LUZP2: variants seen among roughly 807,000 people sequenced by gnomAD.
LUZP2 encodes the protein leucine zipper protein 2.
Under a neutral mutation model 51.6 loss-of-function variants are expected in LUZP2, and 52 were observed. The ratio of observed to expected loss-of-function variants is 1.01; its 90% CI spans 0.81 to 1.27. The LOEUF is 1.27. Among genes scored for constraint, LUZP2 ranks in the 50% most tolerant of loss-of-function variants. The pLI, the probability that LUZP2 is intolerant of heterozygous loss-of-function variation, is 0.00. For synonymous variants in LUZP2, 154 were observed against 137.3 expected (o/e 1.12, Z -0.85); for missense variants, 436 against 395.4 (o/e 1.10, Z -0.87).
chr11:24,602,156 A>ATATATGTATATATGTATATT lies in LUZP2; in HGVS notation c.62+104852_62+104853insATATGTATATATGTATATTT, dbSNP rs1270758818. Among the ~76,000 whole-genome samples, 123 of 122,226 alleles carry ATATATGTATATATGTATATT rather than the reference A, an allele frequency of 1.0e-3. 8 individuals are homozygous for ATATATGTATATATGTATATT. The highest frequency in any genetic ancestry group is 2.7e-3 in the East Asian group (13 of 4,808). 80.2% of individuals were successfully genotyped at this position (122,226 alleles called of 152,430 possible). On this transcript the variant is annotated intron_variant, in intron 1 of 11. Transcript: ENST00000336930. ...TGTGTATATATGTATATATGTATAT[A>ATATATGTATATATGTATATT]TGTATATATGTGTATATATATGTGT...
At chr11:24,840,394 T>C (rs1241606529) in intron 5 of LUZP2, among the ~76,000 whole-genome samples, 1 of 151,850 alleles carries the variant, frequency 6.6e-6, no homozygotes, top group East Asian at 1.9e-4. Flanking sequence ...TCTCTTATTT[T>C]GATCTTTGTT....
At chr11:24,580,625 C>T (rs1852816742) in intron 1 of LUZP2, among the ~76,000 whole-genome samples, 1 of 152,004 alleles carries the variant, frequency 6.6e-6, no homozygotes, top group South Asian at 2.1e-4. Context: ...AAAATGAGCT[C>T]AGTAATAATT....
chr11:24,661,292 G>T (rs1209377817), intron 1 of LUZP2, among the ~76,000 whole-genome samples: 1 of 152,034 alleles, frequency 6.6e-6, no homozygotes, highest in Non-Finnish European at 1.5e-5. Flanking sequence ...AATGCATCTT[G>T]AGCTATTCTG....
chr11:25,014,049 T>A (rs1857063720), intron 9 of LUZP2, among the ~76,000 whole-genome samples: 1 of 152,156 alleles, frequency 6.6e-6, no homozygotes, highest in South Asian at 2.1e-4. Flanking sequence ...GATTTCCAGC[T>A]TCATCCATGT....
chr11:24,952,326 C>G (rs974078464), intron 7 of LUZP2, among the ~76,000 whole-genome samples: 1 of 151,584 alleles, frequency 6.6e-6, no homozygotes, highest in Non-Finnish European at 1.5e-5. Flanking sequence ...CGTGTTTTTG[C>G]AGGCACCTAT....
chr11:24,526,388 C>T (rs1453538510), intron 1 of LUZP2, among the ~76,000 whole-genome samples: 1 of 150,444 alleles, frequency 6.6e-6, no homozygotes. Context: ...ATGATTTTGG[C>T]ACAGTTAATG....
intron 1 of LUZP2, among the ~76,000 whole-genome samples, chr11:24,727,885 G>C (rs1238363264): frequency 6.6e-6 from 1 of 151,936 alleles, no homozygotes; most frequent in Non-Finnish European, 1.5e-5. Flanking sequence ...GTCTATTCTA[G>C]ATGAGATGAA....
At chr11:24,966,283 A>G (rs1855580634) in intron 7 of LUZP2, among the ~76,000 whole-genome samples, 2 of 151,392 alleles carry the variant, frequency 1.3e-5, no homozygotes, top group Non-Finnish European at 3.0e-5. Flanking sequence ...CTTATTGTTG[A>G]GCTGTAAGTT....
At chr11:24,622,049 T>G (rs1311862260) in intron 1 of LUZP2, among the ~76,000 whole-genome samples, 1 of 151,902 alleles carries the variant, frequency 6.6e-6, no homozygotes, top group Non-Finnish European at 1.5e-5. Context: ...CAAGCTATCC[T>G]TCCACCTCAG....
At chr11:24,688,389 A>C (rs958864927) in intron 1 of LUZP2, among the ~76,000 whole-genome samples, 4 of 152,186 alleles carry the variant, frequency 2.6e-5, no homozygotes, top group Admixed American at 6.6e-5. Flanking sequence ...TTTTGGAAGC[A>C]CTGGGGAACT....
chr11:24,565,307 T>C (rs1852180703), intron 1 of LUZP2, among the ~76,000 whole-genome samples: 1 of 152,168 alleles, frequency 6.6e-6, no homozygotes, highest in South Asian at 2.1e-4. Context: ...ATTTTTGAAT[T>C]GTCCTTTATA....
chr11:24,995,385 C>T (rs1385707878), intron 9 of LUZP2, among the ~76,000 whole-genome samples: 1 of 152,034 alleles, frequency 6.6e-6, no homozygotes, highest in East Asian at 1.9e-4. Context: ...AGAGCAAGGC[C>T]TTGTCCTCAG....
chr11:24,579,494 G>C (rs1478589919), intron 1 of LUZP2, among the ~76,000 whole-genome samples: 1 of 151,992 alleles, frequency 6.6e-6, no homozygotes, highest in Non-Finnish European at 1.5e-5. Context: ...AATTGCAAAG[G>C]ACAAAATTGT....
intron 5 of LUZP2, among the ~76,000 whole-genome samples, chr11:24,853,718 T>A (rs1181835896): frequency 1.3e-5 from 2 of 152,142 alleles, no homozygotes; most frequent in Non-Finnish European, 2.9e-5. Flanking sequence ...CTTTTGGAAT[T>A]TTCAGATGTT....
chr11:24,756,183 T>G (rs140022679), intron 4 of LUZP2, among the ~76,000 whole-genome samples: 1 of 152,202 alleles, frequency 6.6e-6, no homozygotes, highest in African/African-American at 2.4e-5. Flanking sequence ...CTTTGAGATA[T>G]CTTACATTTT....
intron 1 of LUZP2, among the ~76,000 whole-genome samples, chr11:24,608,690 A>G (rs1260758911): frequency 1.3e-5 from 2 of 152,198 alleles, no homozygotes; most frequent in Non-Finnish European, 2.9e-5. Flanking sequence ...ACACACACAA[A>G]TTGATTTTTT....
intron 7 of LUZP2, among the ~76,000 whole-genome samples, chr11:24,946,125 C>T (rs1237572301): frequency 1.3e-5 from 2 of 152,008 alleles, no homozygotes; most frequent in African/African-American, 2.4e-5. Context: ...AAAGTTCATT[C>T]ATGTTATATA....
chr11:25,077,916 C>G (rs1859361994), intron 11 of LUZP2, among the ~76,000 whole-genome samples: 1 of 152,146 alleles, frequency 6.6e-6, no homozygotes, highest in African/African-American at 2.4e-5. Context: ...CTGCTTTCTA[C>G]TAAGCTTTTG....
In LUZP2 at chr11:24,563,087, A is replaced by G. The variant is rs528495410; in HGVS notation, c.62+65782A>G. 2.0e-5 allele frequency among the ~76,000 whole-genome samples: 3 copies of G among 152,314 alleles called. No individual in the cohort carries two copies. The East Asian group carries it at 5.8e-4, about 29-fold the overall frequency. ...AAACACTTGTGTTTGGAAAAGTGAAATGTGATGAAACTACATATGCAAATT... is the reference window on the plus strand; with the variant it reads ...AAACACTTGTGTTTGGAAAAGTGAAGTGTGATGAAACTACATATGCAAATT... On this transcript the variant is annotated intron_variant, in intron 1 of 11. Transcript: ENST00000336930.
Sources: gnomAD v4.1 joint callset for allele counts (sites outside exome capture counted in the v4.1 genomes callset) on GRCh38, gnomAD v4.1.1 for gene constraint, MANE v1.5 for transcripts, NCBI Gene and HGNC (gene_info 2026-07-23, HGNC 2026-07-21) for gene names.